OPCML: variants seen among roughly 807,000 people sequenced by gnomAD.
OPCML encodes opioid-binding protein/cell adhesion molecule.
In OPCML, 13 loss-of-function variants were observed where a neutral mutation model predicts 37.8. The ratio of observed to expected loss-of-function variants is 0.34; its 90% confidence interval spans 0.22 to 0.55. The LOEUF is 0.55. Among genes scored for constraint, OPCML ranks in the 20% least tolerant of loss-of-function variants. The pLI is 0.91. For synonymous variants in OPCML, 176 were observed against 168.8 expected, an observed-to-expected ratio of 1.04 and a Z score of -0.33; for missense variants, 341 against 435.6, an observed-to-expected ratio of 0.78 and a Z score of 1.93.
intron 4 of OPCML, among the ~76,000 whole-genome samples, chr11:132,509,838 G>C (rs906322579): frequency 2.0e-5 from 3 of 152,252 alleles, no homozygotes; most frequent in Non-Finnish European, 2.9e-5. Flanking sequence ...GATATGTGGG[G>C]TGGGAGCTCC....
In OPCML at chr11:132,441,165, G is replaced by GTTTTTTTTTTTTTTTTTTTT. The variant is rs68143578; in HGVS notation, c.506-3826_506-3807dup. Among the ~76,000 whole-genome samples, 156 of 72,378 alleles carry GTTTTTTTTTTTTTTTTTTTT rather than the reference G, an allele frequency of 2.2e-3. 15 individuals are homozygous for GTTTTTTTTTTTTTTTTTTTT. The highest frequency in any genetic ancestry group is 2.5e-3 in the Non-Finnish European group (112 of 44,008). 47.5% of individuals were successfully genotyped at this position (72,378 alleles called of 152,430 possible). ...AGATGTGTTCACCAAGGACTTTTTT[G>GTTTTTTTTTTTTTTTTTTTT]TTTTTTTTTTTTTTTTTTTTGAGAC... On this transcript the variant is annotated intron_variant, in intron 4 of 7. Transcript: ENST00000524381.
rs185378850 is a variant in OPCML at position 132,735,739 on chromosome 11, T to C, written c.147-78420A>G. Among the ~76,000 whole-genome samples, 1,000 of 152,262 alleles carry C rather than the reference T, an allele frequency of 6.6e-3. 5 individuals carry two copies. The highest frequency in any genetic ancestry group is 0.011 in the Non-Finnish European group (740 of 68,020). On this transcript the variant is annotated intron_variant, in intron 2 of 7. Coordinates refer to ENST00000524381, the MANE Select transcript of OPCML (RefSeq NM_001012393.5). ...ACCTTGTGATCCGCCTGCCTCGGCC[T>C]CCCAAAGTGCTGGGATTACAGGCGT...
intron 1 of OPCML, among the ~76,000 whole-genome samples, chr11:133,386,329 G>T (rs1316377781): frequency 6.6e-6 from 1 of 152,152 alleles, no homozygotes; most frequent in Admixed American, 6.5e-5. Flanking sequence ...TGTTGGAGTG[G>T]TAACTAAAAC....
chr11:132,678,818 C>T (rs1942820202), intron 2 of OPCML, among the ~76,000 whole-genome samples: 1 of 152,130 alleles, frequency 6.6e-6, no homozygotes, highest in African/African-American at 2.4e-5. Context: ...TCTCATTACA[C>T]ATTTGTCTAA....
At chr11:133,355,896 T>C (rs1471040487) in intron 1 of OPCML, among the ~76,000 whole-genome samples, 1 of 152,206 alleles carries the variant, frequency 6.6e-6, no homozygotes, top group Non-Finnish European at 1.5e-5. Context: ...GAGGGAACCA[T>C]GTTCCTAACA....
intron 1 of OPCML, among the ~76,000 whole-genome samples, chr11:133,382,272 C>T (rs1361462194): frequency 1.3e-5 from 2 of 152,166 alleles, no homozygotes; most frequent in African/African-American, 4.8e-5. Context: ...TTAATAGCTT[C>T]TGAATCAGTC....
intron 4 of OPCML, among the ~76,000 whole-genome samples, chr11:132,512,537 C>A (rs1232344001): frequency 6.6e-6 from 1 of 151,872 alleles, no homozygotes; most frequent in Non-Finnish European, 1.5e-5. Context: ...AAAAACCACA[C>A]ACAACATGAA....
chr11:133,143,218 G>T (rs1251917293), intron 1 of OPCML, among the ~76,000 whole-genome samples: 1 of 152,196 alleles, frequency 6.6e-6, no homozygotes, highest in Non-Finnish European at 1.5e-5. Context: ...AAGAGAGACT[G>T]GTTAGATCTC....
chr11:133,250,278 A>G (rs1941082837), intron 1 of OPCML, among the ~76,000 whole-genome samples: 1 of 152,224 alleles, frequency 6.6e-6, no homozygotes, highest in African/African-American at 2.4e-5. Context: ...ATTTTATAAG[A>G]GAGTGAAGCT....
At position 133,184,029 on chromosome 11, in the gene OPCML, G is replaced by A. The variant is rs569264509; in HGVS notation, c.62-241019C>T. ...AAACGCAGTGTAGCTATCTGGCTCA[G>A]CAGAGATGATCTGAGCTTGACATTG... On this transcript the variant is annotated intron_variant, in intron 1 of 7. Transcript: ENST00000524381. Among the ~76,000 whole-genome samples, 3 of 152,262 alleles carry A rather than the reference G, an allele frequency of 2.0e-5. No individual in the cohort carries two copies. In the South Asian group the frequency reaches 6.2e-4, roughly 32 times the overall value.
At chr11:133,225,412 G>A (rs1229477324) in intron 1 of OPCML, among the ~76,000 whole-genome samples, 1 of 152,146 alleles carries the variant, frequency 6.6e-6, no homozygotes, top group Non-Finnish European at 1.5e-5. Flanking sequence ...GCAACCCTCG[G>A]CCCGTGACCT....
chr11:133,354,136 G>A (rs903365715), intron 1 of OPCML, among the ~76,000 whole-genome samples: 16 of 39,348 alleles, frequency 4.1e-4, no homozygotes, highest in Admixed American at 1.1e-3. Context: ...ATCAAAGGGC[G>A]TTTATAAAAA....
At chr11:132,517,102 C>T (rs143029495) in intron 4 of OPCML, among the ~76,000 whole-genome samples, 145 of 152,298 alleles carry the variant, frequency 9.5e-4, no homozygotes, top group Non-Finnish European at 1.8e-3. Flanking sequence ...CCATTCTACA[C>T]GGCTCTCAGT....
At chr11:132,804,080 C>T (rs1486725980) in intron 2 of OPCML, among the ~76,000 whole-genome samples, 1 of 152,132 alleles carries the variant, frequency 6.6e-6, no homozygotes, top group Non-Finnish European at 1.5e-5. Flanking sequence ...ATATAATTGT[C>T]TTCGGTCAGT....
At chr11:132,754,917 T>G (rs1387436602) in intron 2 of OPCML, among the ~76,000 whole-genome samples, 1 of 152,178 alleles carries the variant, frequency 6.6e-6, no homozygotes, top group South Asian at 2.1e-4. Flanking sequence ...AGGGGTGGGA[T>G]GCATGGGAGG....
intron 1 of OPCML, among the ~76,000 whole-genome samples, chr11:133,506,665 C>T (rs1265622579): frequency 6.6e-6 from 1 of 152,230 alleles, no homozygotes; most frequent in Non-Finnish European, 1.5e-5. Flanking sequence ...TGGCTCTAAT[C>T]ATCCCTGATA....
At chr11:132,685,384 C>A (rs554593927) in intron 2 of OPCML, among the ~76,000 whole-genome samples, 6 of 152,168 alleles carry the variant, frequency 3.9e-5, no homozygotes, top group African/African-American at 1.4e-4. Context: ...AATCAGAACA[C>A]TTCTTTATCA....
chr11:133,197,749 C>T (rs1045233134), intron 1 of OPCML, among the ~76,000 whole-genome samples: 1 of 152,202 alleles, frequency 6.6e-6, no homozygotes, highest in African/African-American at 2.4e-5. Flanking sequence ...GAGTCACCAT[C>T]TCTTTCACAA....
At chr11:133,358,578 A>G (rs1944343476) in intron 1 of OPCML, among the ~76,000 whole-genome samples, 1 of 152,188 alleles carries the variant, frequency 6.6e-6, no homozygotes, top group Admixed American at 6.5e-5. Flanking sequence ...TGCTGTTTTC[A>G]TGTGGCTAGC....
Sources: gnomAD v4.1 joint callset for allele counts (sites outside exome capture counted in the v4.1 genomes callset) on GRCh38, gnomAD v4.1.1 for gene constraint, MANE v1.5 for transcripts, NCBI Gene and HGNC (gene_info 2026-07-23, HGNC 2026-07-21) for gene names.